The following LRP1B variants were observed in gnomAD, a reference collection of about 807,000 sequenced individuals.
LRP1B encodes the protein LDL receptor related protein 1B, also known as low-density lipoprotein receptor-related protein 1B.
A neutral mutation model predicts 556.6 loss-of-function variants in LRP1B; 217 were observed. That is an observed-to-expected ratio of 0.39 (90% confidence interval 0.35 to 0.44). The LOEUF (loss-of-function observed/expected upper bound fraction) is 0.44, where lower values mean the gene tolerates loss of function less well. LRP1B is among the 20% of genes least tolerant of loss of function. The pLI is 1.00. For synonymous variants in LRP1B, 2,047 were observed against 1,865.8 expected (o/e 1.10, Z -2.50); for missense variants, 5,053 against 5,620.8 (o/e 0.90, Z 3.23).
intron 7 of LRP1B, among the ~76,000 whole-genome samples, chr2:141,152,086 A>G (rs2105085594): frequency 6.6e-6 from 1 of 152,160 alleles, no homozygotes; most frequent in East Asian, 1.9e-4. Context: ...GTCATAATGA[A>G]GCCGTTTGCT....
At chr2:141,979,792 A>C (rs1157535655) in intron 1 of LRP1B, among the ~76,000 whole-genome samples, 1 of 152,100 alleles carries the variant, frequency 6.6e-6, no homozygotes, top group African/African-American at 2.4e-5. Context: ...CTGCCTCAGA[A>C]CTGCTTACCA....
chr2:142,021,948 A>G (rs1353350843), intron 1 of LRP1B, among the ~76,000 whole-genome samples: 1 of 152,160 alleles, frequency 6.6e-6, no homozygotes, highest in Non-Finnish European at 1.5e-5. Flanking sequence ...AGATTATTGC[A>G]TTTTAAAGCC....
At chr2:141,528,625 A>G (rs1356734311) in intron 2 of LRP1B, among the ~76,000 whole-genome samples, 1 of 152,144 alleles carries the variant, frequency 6.6e-6, no homozygotes, top group Non-Finnish European at 1.5e-5. Context: ...CAGATATGTG[A>G]TTTGAGTATA....
chr2:141,408,092 A>C (rs1690705384), intron 3 of LRP1B, among the ~76,000 whole-genome samples: 1 of 151,816 alleles, frequency 6.6e-6, no homozygotes, highest in Non-Finnish European at 1.5e-5. Flanking sequence ...TTTCATTTAA[A>C]CTACCTAGGT....
intron 83 of LRP1B, among the ~76,000 whole-genome samples, chr2:140,302,944 A>G (rs1440961993): frequency 6.7e-6 from 1 of 149,514 alleles, no homozygotes; most frequent in Non-Finnish European, 1.5e-5. Flanking sequence ...TTGAGTGTGC[A>G]GACAGTATAC....
intron 3 of LRP1B, among the ~76,000 whole-genome samples, chr2:141,475,841 C>A (rs1362348401): frequency 6.6e-6 from 1 of 152,120 alleles, no homozygotes; most frequent in African/African-American, 2.4e-5. Flanking sequence ...CCTTTTCCAG[C>A]TTCTCATCCA....
In LRP1B at chr2:140,815,865, C is replaced by CT. The variant is rs1426914225; in HGVS notation, c.5210-2060dup. Among the ~76,000 whole-genome samples, 4 of 66,452 alleles carry CT rather than the reference C, an allele frequency of 6.0e-5. 1 individual carries two copies. Among genetic ancestry groups the CT allele is most frequent in the Non-Finnish European group, 1.7e-4 (4 of 24,242 alleles). 43.6% of individuals were successfully genotyped at this position (66,452 alleles called of 152,430 possible). ...CTTCACAGAGGGAAGAATGTTGTCT[C>CT]TCTTTTTTTTTTTTTTTTGGATCTG... On this transcript the variant is annotated intron_variant, in intron 31 of 90. Coordinates refer to ENST00000389484, the MANE Select transcript of LRP1B (RefSeq NM_018557.3).
rs771502766 is a variant in LRP1B, at chr2:141,601,599, T to TTTCCTTCCTTTCCTTCC, written c.206-121067_206-121066insGGAAGGAAAGGAAGGAA. Among the ~76,000 whole-genome samples the TTTCCTTCCTTTCCTTCC allele has an allele frequency of 5.0e-4, 70 of 140,638 alleles. 1 individual carries two copies. Among genetic ancestry groups the TTTCCTTCCTTTCCTTCC allele is most frequent in the Admixed American group, 7.1e-4 (10 of 14,008 alleles). 92.3% of individuals were successfully genotyped at this position (140,638 alleles called of 152,430 possible). On this transcript the variant is annotated intron_variant, in intron 2 of 90. Coordinates refer to ENST00000389484, the MANE Select transcript of LRP1B (RefSeq NM_018557.3). ...GATTTAACCTGTATTGTAGCACTCC[T>TTTCCTTCCTTTCCTTCC]TTCCTTCCTTCCTTCCTTCCTTCCT...
intron 1 of LRP1B, among the ~76,000 whole-genome samples, chr2:141,980,812 AT>A (rs1211704723): frequency 2.6e-5 from 4 of 152,138 alleles, no homozygotes; most frequent in Non-Finnish European, 5.9e-5. Flanking sequence ...ATGGCCCCAT[AT>A]AGCTAGACAC....
chr2:140,467,366 A>G (rs77465215), intron 60 of LRP1B, among the ~76,000 whole-genome samples: 2,330 of 152,004 alleles, frequency 0.015, 60 homozygotes, highest in African/African-American at 0.051. Flanking sequence ...CACTGTGGGA[A>G]GCCAATGTGG....
At chr2:140,466,343 A>T (rs1687548274) in intron 60 of LRP1B, among the ~76,000 whole-genome samples, 2 of 152,012 alleles carry the variant, frequency 1.3e-5, no homozygotes, top group African/African-American at 4.8e-5. Flanking sequence ...AATTAATTAG[A>T]CTAACACTGC....
chr2:140,655,815 C>T (rs1344882891), intron 41 of LRP1B, among the ~76,000 whole-genome samples: 3 of 151,582 alleles, frequency 2.0e-5, no homozygotes, highest in Admixed American at 2.0e-4. Context: ...TAGTGGCGGG[C>T]GCCTGTAGTC....
At chr2:140,885,943 C>T (rs1353902102) in intron 24 of LRP1B, among the ~76,000 whole-genome samples, 195 bp downstream of exon 24, 2 of 151,608 alleles carry the variant, frequency 1.3e-5, no homozygotes, top group Non-Finnish European at 2.9e-5. Context: ...GTGTGAACAG[C>T]ACGAGCGTCA....
At chr2:141,646,594 T>C (rs1201904248) in intron 2 of LRP1B, among the ~76,000 whole-genome samples, 2 of 152,122 alleles carry the variant, frequency 1.3e-5, no homozygotes, top group African/African-American at 4.8e-5. Context: ...CTAGGACTAG[T>C]TACAACCCAC....
chr2:141,603,003 C>A (rs1476393570), intron 2 of LRP1B, among the ~76,000 whole-genome samples: 1 of 152,140 alleles, frequency 6.6e-6, no homozygotes, highest in Admixed American at 6.6e-5. Flanking sequence ...TTGAGATTTA[C>A]CTAATTGTGT....
intron 72 of LRP1B, among the ~76,000 whole-genome samples, chr2:140,363,647 A>C (rs565999127): frequency 1.3e-5 from 2 of 151,632 alleles, no homozygotes; most frequent in East Asian, 1.9e-4. Context: ...TACTCATCAT[A>C]ATGAGTTGTA....
intron 2 of LRP1B, among the ~76,000 whole-genome samples, chr2:141,743,698 CT>C (rs985133328): frequency 1.3e-5 from 2 of 151,772 alleles, no homozygotes; most frequent in Non-Finnish European, 2.9e-5. Flanking sequence ...ATAAAATGTT[CT>C]GGTTTTGGAG....
intron 35 of LRP1B, among the ~76,000 whole-genome samples, chr2:140,727,603 A>G (rs1344559128): frequency 6.6e-6 from 1 of 152,172 alleles, no homozygotes; most frequent in Non-Finnish European, 1.5e-5. Context: ...TACTGAAACC[A>G]AGTTCAGGTA....
chr2:141,272,619 G>C (rs1685129970), intron 3 of LRP1B, among the ~76,000 whole-genome samples: 1 of 152,006 alleles, frequency 6.6e-6, no homozygotes, highest in Non-Finnish European at 1.5e-5. Flanking sequence ...AAAATGGATG[G>C]GAAAAAAATG....
Sources: allele counts gnomAD v4.1 joint callset (sites outside exome capture counted in the v4.1 genomes callset), GRCh38; gene constraint gnomAD v4.1.1; transcripts MANE v1.5; gene names NCBI Gene and HGNC (gene_info 2026-07-23, HGNC 2026-07-21).